ENOX1: variants seen among roughly 807,000 people sequenced by gnomAD.
ENOX1 encodes ecto-NOX disulfide-thiol exchanger 1.
ENOX1 carries 42 observed loss-of-function variants against 82.5 expected under a neutral mutation model. The observed-to-expected ratio is 0.51, with a 90% CI of 0.40 to 0.66. The LOEUF (loss-of-function observed/expected upper bound fraction) is 0.66. Among genes scored for constraint, ENOX1 ranks in the 30% least tolerant of loss-of-function variants. The probability of loss-of-function intolerance (pLI) is 0.00; values close to 1 mark genes in which losing one functional copy is unlikely to be tolerated. For synonymous variants in ENOX1, 271 were observed against 282.2 expected (o/e 0.96, Z 0.40); for missense variants, 608 against 811.6 (o/e 0.75, Z 3.05).
intron 3 of ENOX1, among the ~76,000 whole-genome samples, chr13:43,476,869 C>T (rs1469410508): frequency 6.6e-6 from 1 of 152,088 alleles, no homozygotes; most frequent in Non-Finnish European, 1.5e-5. Flanking sequence ...ATCATACAGT[C>T]ACCTCATATA....
chr13:43,433,474 C>T (rs982266758), intron 3 of ENOX1, among the ~76,000 whole-genome samples: 1 of 152,056 alleles, frequency 6.6e-6, no homozygotes, highest in Admixed American at 6.5e-5. Flanking sequence ...CAAACCATAG[C>T]AGATATATGG....
chr13:43,322,458 C>T lies in ENOX1; in HGVS notation c.1187G>A (p.Arg396His), dbSNP rs148501815. Residue 396 changes from arginine (R) to histidine (H), a missense_variant, in exon 11 of 17, where the codon CGC (arginine) becomes CAC (histidine). Coordinates refer to ENST00000690772, the MANE Select transcript of ENOX1 (RefSeq NM_001347969.2). ...AQSEQLMGIR[R>H]EEEMEMSDDE... Reference sequence around the variant, plus strand: ...ATCAGACATTTCCATTTCTTCTTCGCGGCGGATGCCCATGAGCTGCTCACT... The same window carrying T: ...ATCAGACATTTCCATTTCTTCTTCGTGGCGGATGCCCATGAGCTGCTCACT... 1.7e-4 allele frequency: 276 copies of T among 1,614,060 alleles called. 1 individual carries two copies. Among genetic ancestry groups the T allele is most frequent in the Admixed American group, 5.3e-4 (32 of 60,006 alleles).
At position 43,415,118 on chromosome 13, in the gene ENOX1, C is replaced by T. The variant is rs746470879; in HGVS notation, c.-74-2130G>A. Among the ~76,000 whole-genome samples, 50 of 151,340 alleles carry T rather than the reference C, an allele frequency of 3.3e-4. 1 individual carries two copies. The highest frequency in any genetic ancestry group is 6.8e-4 in the Non-Finnish European group (46 of 67,940). Reference sequence around the variant, plus strand: ...ACAGTAAGCAACTGCTACTGTTCCACTGAAAAAAAGCATTGTTCTGTTGGC... The same window carrying T: ...ACAGTAAGCAACTGCTACTGTTCCATTGAAAAAAAGCATTGTTCTGTTGGC... On this transcript the variant is annotated intron_variant, in intron 3 of 16. Coordinates refer to ENST00000690772, the MANE Select transcript of ENOX1 (RefSeq NM_001347969.2).
chr13:43,667,615 T>C (rs1007143714), intron 1 of ENOX1, 71 bp from the exon 2 acceptor site: 4 of 463,454 alleles, frequency 8.6e-6, no homozygotes, highest in Non-Finnish European at 1.1e-5. Flanking sequence ...TGAACATATA[T>C]ATGTAAGCAG....
chr13:43,214,586 C>A (rs531135201), intron 16 of ENOX1, among the ~76,000 whole-genome samples: 3 of 152,282 alleles, frequency 2.0e-5, no homozygotes, highest in East Asian at 3.9e-4. Flanking sequence ...CTTTCTCTTC[C>A]TTAATTTTCA....
intron 2 of ENOX1, among the ~76,000 whole-genome samples, chr13:43,485,204 ATT>A (rs1483023583): frequency 6.6e-6 from 1 of 152,088 alleles, no homozygotes; most frequent in African/African-American, 2.4e-5. Context: ...CTATCTCTAT[ATT>A]TGTTTCTGAT....
intron 3 of ENOX1, among the ~76,000 whole-genome samples, chr13:43,466,528 A>G (rs1347807892): frequency 6.6e-6 from 1 of 152,156 alleles, no homozygotes; most frequent in Non-Finnish European, 1.5e-5. Context: ...AAGGAACAAA[A>G]CTTTCTGAAT....
At chr13:43,704,469 A>G (rs2087120062) in intron 1 of ENOX1, among the ~76,000 whole-genome samples, 1 of 152,120 alleles carries the variant, frequency 6.6e-6, no homozygotes, top group South Asian at 2.1e-4. Context: ...TTTGAAAGAA[A>G]AAAAAACAAC....
chr13:43,770,969 C>A (rs2153837110), intron 1 of ENOX1, among the ~76,000 whole-genome samples: 2 of 152,032 alleles, frequency 1.3e-5, no homozygotes, highest in African/African-American at 4.8e-5. Flanking sequence ...AAAAAAAAAT[C>A]AAGAAAACTA....
At position 43,299,215 on chromosome 13, in the gene ENOX1, G is replaced by A. The variant is rs536319707; in HGVS notation, c.1262-685C>T. 7.6e-4 allele frequency among the ~76,000 whole-genome samples: 115 copies of A among 152,238 alleles called. 1 individual carries two copies. The highest frequency in any genetic ancestry group is 2.7e-3 in the African/African-American group (114 of 41,542). On this transcript the variant is annotated intron_variant, in intron 11 of 16. Coordinates refer to ENST00000690772, the MANE Select transcript of ENOX1 (RefSeq NM_001347969.2). ...ATTTAGATTCAGACTTCATTCATAT[G>A]TCTATCTTATTAAGAAACCAAGACA...
At chr13:43,240,415 C>T (rs1157684460) in intron 14 of ENOX1, among the ~76,000 whole-genome samples, 1 of 151,598 alleles carries the variant, frequency 6.6e-6, no homozygotes, top group African/African-American at 2.4e-5. Context: ...GGAGGCTTAA[C>T]AAGTGAAGAG....
intron 1 of ENOX1, among the ~76,000 whole-genome samples, chr13:43,721,526 C>T (rs1219982087): frequency 6.6e-6 from 1 of 150,556 alleles, no homozygotes; most frequent in Non-Finnish European, 1.5e-5. Context: ...CTACAGGCGC[C>T]CGCCACTACG....
chr13:43,535,380 AAGATC>A (rs2078413775), intron 2 of ENOX1, among the ~76,000 whole-genome samples: 3 of 152,216 alleles, frequency 2.0e-5, no homozygotes, highest in Non-Finnish European at 4.4e-5. Context: ...ACTATGTAGC[AAGATC>A]CATCTTTTCA....
intron 1 of ENOX1, among the ~76,000 whole-genome samples, chr13:43,700,893 C>T (rs2086873224): frequency 6.6e-6 from 1 of 152,132 alleles, no homozygotes; most frequent in Non-Finnish European, 1.5e-5. Context: ...CTCTTATAAA[C>T]TATCTCCAGG....
chr13:43,292,624 A>T (rs1168048617), intron 12 of ENOX1, among the ~76,000 whole-genome samples: 1 of 28,330 alleles, frequency 3.5e-5, no homozygotes, highest in Non-Finnish European at 9.3e-5. Context: ...GACAAGGTTT[A>T]AAAAAAAAAA....
At chr13:43,425,035 G>A (rs1024467283) in intron 3 of ENOX1, among the ~76,000 whole-genome samples, 2 of 152,140 alleles carry the variant, frequency 1.3e-5, no homozygotes, top group African/African-American at 4.8e-5. Context: ...AGAGAAAAAG[G>A]CCTGAGTGTC....
At chr13:43,322,342 CATT>C (rs1207993486) in intron 11 of ENOX1, 39 bp downstream of exon 11, 1 of 1,484,508 alleles carries the variant, frequency 6.7e-7, no homozygotes, top group African/African-American at 1.4e-5. Flanking sequence ...TTTGGAAGAT[CATT>C]ATGATACCTC....
intron 12 of ENOX1, among the ~76,000 whole-genome samples, chr13:43,285,162 C>CA (rs2045621268): frequency 6.6e-6 from 1 of 152,162 alleles, no homozygotes; most frequent in African/African-American, 2.4e-5. Flanking sequence ...GAGGAGAAAA[C>CA]ATAGTCTTTA....
intron 3 of ENOX1, among the ~76,000 whole-genome samples, chr13:43,435,195 C>T (rs1448941862): frequency 2.0e-5 from 3 of 152,016 alleles, no homozygotes; most frequent in Non-Finnish European, 2.9e-5. Context: ...GTATGCCATT[C>T]CAGCCAGGAA....
Sources: allele counts gnomAD v4.1 joint callset (sites outside exome capture counted in the v4.1 genomes callset), GRCh38; gene constraint gnomAD v4.1.1; transcripts MANE v1.5; gene names NCBI Gene and HGNC (gene_info 2026-07-23, HGNC 2026-07-21).